Variants in ATP8B2 observed in about 807,000 individuals in gnomAD.
ATP8B2 encodes the protein phospholipid-transporting ATPase ID.
In ATP8B2, 70 loss-of-function variants were observed where a neutral mutation model predicts 133.4. The ratio of observed to expected loss-of-function variants is 0.52; its 90% CI spans 0.43 to 0.64. The LOEUF is 0.64. Ranked by LOEUF, ATP8B2 falls within the 30% of genes least tolerant of loss-of-function variation. ATP8B2 has a pLI of 0.00. For synonymous variants in ATP8B2, 517 were observed against 589.5 expected, an observed-to-expected ratio of 0.88 and a Z score of 1.78; for missense variants, 1,101 against 1,535.7, an observed-to-expected ratio of 0.72 and a Z score of 4.73.
chr1:154,328,818 C>T lies in ATP8B2; in HGVS notation c.31+646C>T. 9.7e-7 allele frequency: 1 copy of T among 1,035,766 alleles called. No individual in the cohort carries two copies. The highest frequency in any genetic ancestry group is 1.2e-6 in the Non-Finnish European group (1 of 861,690). The allele number at this position is 1,035,766 out of a possible 1,614,324, so 64.2% of individuals were successfully genotyped here. Reference sequence around the variant, plus strand: ...CAGCTGAGCTCGCGGTGTCCCCGAGCGCCGGCGGCCGGGAGGATGGCCTGG... The same window carrying T: ...CAGCTGAGCTCGCGGTGTCCCCGAGTGCCGGCGGCCGGGAGGATGGCCTGG... On this transcript the variant is annotated intron_variant, in intron 2 of 27. Transcript: ENST00000368489. This position sits in a 1 kb window ranked among gnomAD's most constrained non-coding sequence, Gnocchi z 4.6.
chr1:154,348,537 C>A lies in ATP8B2; in HGVS notation c.3293C>A (p.Thr1098Lys). Residue 1098 changes from threonine (T) to lysine (K), a missense_variant and splice_region_variant, in exon 27 of 28, where the codon ACG becomes AAG. Physicochemically the swap from Thr to Lys is moderately conservative, Grantham distance 78. Coordinates refer to ENST00000368489, the MANE Select transcript of ATP8B2 (RefSeq NM_001370597.1). Reference sequence around the variant, plus strand: ...AACCTGAAGCCGGATCTCTCCGACACGGTGAGAAGCCAGGCTACCTGCTGT... The same window carrying A: ...AACCTGAAGCCGGATCTCTCCGACAAGGTGAGAAGCCAGGCTACCTGCTGT... ...RLNLKPDLSD[T>K]VRYTQLVRKK... 1.2e-6 allele frequency: 2 copies of A among 1,613,474 alleles called. No homozygotes were observed. The highest frequency in any genetic ancestry group is 1.7e-6 in the Non-Finnish European group (2 of 1,179,682).
intron 11 of ATP8B2, among the ~76,000 whole-genome samples, chr1:154,337,117 TTTA>T (rs1405893326): frequency 5.1e-5 from 4 of 78,456 alleles, no homozygotes; most frequent in East Asian, 5.9e-4. Flanking sequence ...TTTTTTTTTT[TTTA>T]TAATTATTTT....
At position 154,331,432 on chromosome 1, in the gene ATP8B2, T is replaced by C. The variant is rs1685988044; in HGVS notation, c.304-12T>C. ...GGGAAGGTGTCTTACCTTTCAGTTT[T>C]CTTCTTTTCAGTTCCGCCACAAGAG... is the stretch of plus-strand genomic sequence containing the variant. On this transcript the variant is annotated splice_polypyrimidine_tract_variant and intron_variant, in intron 5 of 27. Transcript: ENST00000368489. This position sits in a 1 kb window ranked among gnomAD's most constrained non-coding sequence, Gnocchi z 4.8. 1 of 1,613,758 alleles carries C rather than the reference T, an allele frequency of 6.2e-7. No homozygotes were observed. Among genetic ancestry groups the C allele is most frequent in the Non-Finnish European group, 8.5e-7 (1 of 1,179,950 alleles).
chr1:154,331,484 C>T lies in ATP8B2; in HGVS notation c.344C>T (p.Ser115Phe). 1 of 1,614,178 alleles carries T rather than the reference C, an allele frequency of 6.2e-7. No homozygotes were observed. The highest frequency in any genetic ancestry group is 8.5e-7 in the Non-Finnish European group (1 of 1,180,022). ...KSDNQVNNRQ[S>F]QVLINGILQQ... Reference sequence around the variant, plus strand: ...GATAACCAGGTGAATAACCGCCAGTCTCAGGTGCTGATCAATGGAATGTGA... The same window carrying T: ...GATAACCAGGTGAATAACCGCCAGTTTCAGGTGCTGATCAATGGAATGTGA... Residue 115 changes from serine to phenylalanine, a missense_variant, in exon 6 of 28, where the codon TCT becomes TTT. Coordinates refer to ENST00000368489, the MANE Select transcript of ATP8B2 (RefSeq NM_001370597.1). This position sits in a 1 kb window ranked among gnomAD's most constrained non-coding sequence, Gnocchi z 4.8.
chr1:154,339,390 G>A (rs1396638076), intron 12 of ATP8B2, among the ~76,000 whole-genome samples: 2 of 152,204 alleles, frequency 1.3e-5, no homozygotes, highest in Non-Finnish European at 2.9e-5. Context: ...TTAATAGGAT[G>A]TCTTGATATA....
At position 154,334,471 on chromosome 1, in the gene ATP8B2, TG is replaced by T; in HGVS notation, c.749-30del. On this transcript the variant is annotated intron_variant, in intron 10 of 27. Transcript: ENST00000368489. This position sits in a 1 kb window ranked among gnomAD's most constrained non-coding sequence, Gnocchi z 4.6. ...GAAGCCCAGAGGCAGATGTGTTATT[TG>T]GCTTTCCCAGCCCTTCCCATTCTTT... is the stretch of plus-strand genomic sequence containing the variant. 1 of 1,609,090 alleles carries T rather than the reference TG, an allele frequency of 6.2e-7. No homozygotes were observed. Among genetic ancestry groups the T allele is most frequent in the Non-Finnish European group, 8.5e-7 (1 of 1,175,596 alleles).
chr1:154,333,698 G>A (rs1296338490), intron 9 of ATP8B2, among the ~76,000 whole-genome samples: 1 of 144,328 alleles, frequency 6.9e-6, no homozygotes, highest in African/African-American at 2.6e-5. Context: ...GTAGTGGTGC[G>A]ATCTCGGCTC....
Position 154,328,342 on chromosome 1 carries a change from C to T in ATP8B2, c.31+170C>T, listed in dbSNP as rs1023761218. Among the ~76,000 whole-genome samples, 2 of 152,176 alleles carry T rather than the reference C, an allele frequency of 1.3e-5. No individual in the cohort carries two copies. The highest frequency in any genetic ancestry group is 2.9e-5 in the Non-Finnish European group (2 of 68,024). ...AGGAAACCGAATTCTTCCGCTTGAT[C>T]CCAAAGCTGGGTTATCTGCCAGGAC... is the stretch of plus-strand genomic sequence containing the variant. On this transcript the variant is annotated intron_variant, in intron 2 of 27. Transcript: ENST00000368489. The surrounding 1 kb of genome is among the most constrained non-coding windows in gnomAD (Gnocchi z 4.6).
intron 12 of ATP8B2, chr1:154,337,918 A>G: frequency 3.9e-6 from 2 of 510,268 alleles, no homozygotes; most frequent in South Asian, 5.2e-5. Context: ...AAAACAAAAT[A>G]GGAACCAGTG....
At chr1:154,339,993 G>C (rs1355319671) in intron 12 of ATP8B2, among the ~76,000 whole-genome samples, 1 of 152,120 alleles carries the variant, frequency 6.6e-6, no homozygotes, top group East Asian at 1.9e-4. Flanking sequence ...ACCAGTGTGG[G>C]CAACACAGCG....
In ATP8B2 at chr1:154,340,942, C is replaced by T. The variant is rs778835101; in HGVS notation, c.1123C>T (p.Arg375Cys). The T allele has an allele frequency of 1.6e-5, 26 of 1,614,046 alleles. No homozygotes were observed. The highest frequency in any genetic ancestry group is 1.1e-5 in the Non-Finnish European group (13 of 1,180,026). Residue 375 changes from arginine (R) to cysteine (C), a missense_variant, in exon 13 of 28, where the codon CGC becomes TGC. By Grantham distance (180) the Arg-to-Cys change is radical. Transcript: ENST00000368489. The surrounding 1 kb of genome is among the most constrained non-coding windows in gnomAD (Gnocchi z 4.0). ...CMKKRTPAEA[R>C]TTTLNEELGQ... ...GAAGAAGCGGACGCCTGCAGAAGCC[C>T]GCACCACCACCCTAAACGAGGAGCT... is the stretch of plus-strand genomic sequence containing the variant.
At chr1:154,332,785 C>A in intron 9 of ATP8B2, 88 bp downstream of exon 9, 1 of 1,067,806 alleles carries the variant, frequency 9.4e-7, no homozygotes, top group Non-Finnish European at 1.4e-6. Flanking sequence ...TTCCTTTGGG[C>A]TTTTTGTTGT....
chr1:154,349,538 C>T lies in ATP8B2; in HGVS notation c.*420C>T, dbSNP rs1184447189. The T allele has an allele frequency of 5.5e-6, 1 of 180,216 alleles. No homozygotes were observed. Among genetic ancestry groups the T allele is most frequent in the Non-Finnish European group, 1.2e-5 (1 of 83,576 alleles). The allele number at this position is 180,216 out of a possible 1,614,324, so 11.2% of individuals were successfully genotyped here. ...CTGAATTACATAAGAATGTACCATG[C>T]CGGGAAGCCAGAGACCTGCAGGGGC... On this transcript the variant is annotated 3_prime_UTR_variant, in exon 28 of 28. Transcript: ENST00000368489.
chr1:154,346,160 C>A lies in ATP8B2; in HGVS notation c.2779-71C>A. On this transcript the variant is annotated intron_variant, in intron 24 of 27. Coordinates refer to ENST00000368489, the MANE Select transcript of ATP8B2 (RefSeq NM_001370597.1). This position sits in a 1 kb window ranked among gnomAD's most constrained non-coding sequence, Gnocchi z 4.5. ...GAGGAGGCAGGGACAGAGTCAGAGT[C>A]TGCCCTTGGTCATCCAGGGTCAAAA... 6.4e-7 allele frequency: 1 copy of A among 1,565,294 alleles called. No individual in the cohort carries two copies. The highest frequency in any genetic ancestry group is 8.7e-7 in the Non-Finnish European group (1 of 1,151,058).
Position 154,331,788 on chromosome 1 carries a change from C to A in ATP8B2, c.438+110C>A. The A allele has an allele frequency of 1.5e-6, 2 of 1,348,696 alleles. No homozygotes were observed. The highest frequency in any genetic ancestry group is 2.1e-6 in the Non-Finnish European group (2 of 942,088). 83.5% of individuals were successfully genotyped at this position (1,348,696 alleles called of 1,614,324 possible). A position where few individuals can be genotyped will look rare whatever the true frequency, so the allele number is the denominator to read the frequency against. ...CCTCTTAAACACCCGTGGCAGGAAT[C>A]TTTCTCACACCAGGGGCTTCTGTGT... On this transcript the variant is annotated intron_variant, in intron 7 of 27. Transcript: ENST00000368489. The surrounding 1 kb of genome is among the most constrained non-coding windows in gnomAD (Gnocchi z 4.8).
Position 154,348,919 on chromosome 1 carries a change from G to A in ATP8B2, c.3374G>A (p.Arg1125Gln), listed in dbSNP as rs1251116427. ...CMRRVGRTGS[R>Q]RSGYAFSHQE... is the part of the protein sequence containing the mutation. The stretch of plus-strand genomic sequence containing the variant: ...CGGCGGGTTGGCCGCACTGGCTCCC[G>A]GCGCTCCGGCTATGCCTTCTCCCAT... Residue 1125 changes from arginine (R) to glutamine (Q), a missense_variant, in exon 28 of 28, where the codon CGG (arginine) becomes CAG (glutamine). Physicochemically the swap from Arg to Gln is conservative, Grantham distance 43. Coordinates refer to ENST00000368489, the MANE Select transcript of ATP8B2 (RefSeq NM_001370597.1). The A allele has an allele frequency of 1.2e-6, 2 of 1,613,658 alleles. No individual in the cohort carries two copies. The highest frequency in any genetic ancestry group is 1.1e-5 in the South Asian group (1 of 91,054).
At position 154,342,881 on chromosome 1, in the gene ATP8B2, A is replaced by G. The variant is rs765190434; in HGVS notation, c.1373A>G (p.Lys458Arg). 1 of 1,614,198 alleles carries G rather than the reference A, an allele frequency of 6.2e-7. No individual in the cohort carries two copies. The highest frequency in any genetic ancestry group is 8.5e-7 in the Non-Finnish European group (1 of 1,180,032). Residue 458 changes from lysine (K) to arginine (R), a missense_variant, in exon 15 of 28, where the codon AAG (lysine) becomes AGG (arginine). Physicochemically the swap from Lys to Arg is conservative, Grantham distance 26 (BLOSUM62 2). Transcript: ENST00000368489. Reference protein sequence around the residue: ...FWDPSLLEAVKIGDPHTHEFF... With the variant: ...FWDPSLLEAVRIGDPHTHEFF... The stretch of plus-strand genomic sequence containing the variant: ...GACCCCAGCCTGCTGGAGGCTGTCA[A>G]GATCGGGGACCCCCACACGCATGAG...
chr1:154,329,028 C>T (rs1685892136), intron 2 of ATP8B2: 3 of 1,303,788 alleles, frequency 2.3e-6, no homozygotes, highest in Non-Finnish European at 3.0e-6. Context: ...TGGGCCCGGG[C>T]CCAGGCGCCT....
rs1686587810 is a variant in ATP8B2 at position 154,346,425 on chromosome 1, G to C, written c.2973G>C (p.Gln991His). 6.2e-7 allele frequency: 1 copy of C among 1,614,044 alleles called. No homozygotes were observed. The highest frequency in any genetic ancestry group is 1.7e-5 in the Admixed American group (1 of 60,014). The change falls in exon 25 of 28, where the codon CAG (glutamine) becomes CAC (histidine). Residue 991 changes from glutamine (Q) to histidine (H), a missense_variant. Physicochemically the swap from Gln to His is conservative, Grantham distance 24. Coordinates refer to ENST00000368489, the MANE Select transcript of ATP8B2 (RefSeq NM_001370597.1). This position sits in a 1 kb window ranked among gnomAD's most constrained non-coding sequence, Gnocchi z 4.5. ...ATGGCACTCAGCTGGCTGACTACCA[G>C]TCCTTTGCAGTCACTGTGGCCACAT... ...RDDGTQLADY[Q>H]SFAVTVATSL... is the part of the protein sequence containing the mutation.
Sources: gnomAD v4.1 joint callset for allele counts (sites outside exome capture counted in the v4.1 genomes callset) on GRCh38, gnomAD v4.1.1 for gene constraint, Gnocchi (gnomAD v3.1) non-coding constraint, MANE v1.5 for transcripts, NCBI Gene and HGNC (gene_info 2026-07-23, HGNC 2026-07-21) for gene names.